Variants in GPR155 observed in about 807,000 individuals in gnomAD.
GPR155 encodes lysosomal cholesterol signaling protein.
In GPR155, 65 loss-of-function variants were observed where a neutral mutation model predicts 93.1. The ratio of observed to expected loss-of-function variants is 0.70; its 90% CI spans 0.57 to 0.86. The LOEUF is 0.86. GPR155 is among the 40% of genes least tolerant of loss of function. The pLI, the probability that GPR155 is intolerant of heterozygous loss-of-function variation, is 0.00. For synonymous variants in GPR155, 319 were observed against 360.1 expected (o/e 0.89, Z 1.29); for missense variants, 838 against 1,034.8 (o/e 0.81, Z 2.61).
intron 11 of GPR155, among the ~76,000 whole-genome samples, chr2:174,451,146 C>G (rs1286268898): frequency 6.6e-6 from 1 of 151,830 alleles, no homozygotes; most frequent in Non-Finnish European, 1.5e-5. Context: ...CCCGTCTCTA[C>G]TAAAAATACA....
chr2:174,456,176 A>C (rs2105699964), intron 10 of GPR155, among the ~76,000 whole-genome samples: 1 of 152,250 alleles, frequency 6.6e-6, no homozygotes, highest in East Asian at 1.9e-4. Flanking sequence ...ACAGCAGGAA[A>C]TCTGGGATTG....
In GPR155 at chr2:174,470,551, C is replaced by T. The variant is rs1310648551; in HGVS notation, c.865G>A (p.Val289Met). 3 of 1,611,474 alleles carry T rather than the reference C, an allele frequency of 1.9e-6. No homozygotes were observed. The highest frequency in any genetic ancestry group is 2.2e-5 in the East Asian group (1 of 44,826). Residue 289 changes from valine (V) to methionine (M), a missense_variant, in exon 4 of 16, where the codon GTG becomes ATG. Coordinates refer to ENST00000392552, the MANE Select transcript of GPR155 (RefSeq NM_152529.7). ...ATTTCTCTGCACAGAAGTGGCAGCA[C>T]CAGACTGAAGAAAAAAGAAAAACAT... is the stretch of plus-strand genomic sequence containing the variant. ...LILLITAKLL[V>M]LPLLCREMVE...
intron 10 of GPR155, among the ~76,000 whole-genome samples, chr2:174,456,124 G>T (rs193095762): frequency 1.3e-5 from 2 of 152,086 alleles, no homozygotes; most frequent in African/African-American, 2.4e-5. Context: ...TTACAGGTGT[G>T]AGCCACCACG....
chr2:174,452,796 G>C (rs2105691910), intron 11 of GPR155, among the ~76,000 whole-genome samples: 1 of 151,924 alleles, frequency 6.6e-6, no homozygotes, highest in East Asian at 1.9e-4. Flanking sequence ...CAGTTGGGTG[G>C]GATTACCACC....
chr2:174,447,440 CAT>C (rs1687169667), intron 11 of GPR155, among the ~76,000 whole-genome samples: 1 of 143,810 alleles, frequency 7.0e-6, no homozygotes, highest in African/African-American at 2.5e-5. Context: ...ATACACATTA[CAT>C]ATATAATTAT....
At chr2:174,444,634 C>T (rs62175262) in intron 13 of GPR155, among the ~76,000 whole-genome samples, 4 of 151,388 alleles carry the variant, frequency 2.6e-5, no homozygotes, top group South Asian at 2.1e-4. Flanking sequence ...CTTGGATTAT[C>T]GGCATGGACT....
chr2:174,454,568 C>T (rs1378914927), intron 10 of GPR155, among the ~76,000 whole-genome samples: 3 of 151,194 alleles, frequency 2.0e-5, no homozygotes, highest in African/African-American at 7.3e-5. Context: ...GGTGGGAGGA[C>T]TGCTTGAGTC....
chr2:174,472,960 C>T lies in GPR155; in HGVS notation c.860+5G>A. On this transcript the variant is annotated splice_donor_5th_base_variant and intron_variant, in intron 3 of 15. Transcript: ENST00000392552. ...CAATTCTCAAGTTAAATAAGTGATG[C>T]TTACAGTTTAGCTGTGATGAGAAGA... 2 of 1,573,478 alleles carry T rather than the reference C, an allele frequency of 1.3e-6. No homozygotes were observed. Among genetic ancestry groups the T allele is most frequent in the Non-Finnish European group, 1.7e-6 (2 of 1,169,500 alleles).
At chr2:174,451,477 C>G (rs1236063310) in intron 11 of GPR155, among the ~76,000 whole-genome samples, 1 of 152,064 alleles carries the variant, frequency 6.6e-6, no homozygotes, top group African/African-American at 2.4e-5. Context: ...ATTGTCAACT[C>G]TAAAAATTCT....
Position 174,481,533 on chromosome 2 carries a change from T to C in GPR155, c.424A>G (p.Thr142Ala). The C allele has an allele frequency of 6.2e-7, 1 of 1,611,026 alleles. No homozygotes were observed. The highest frequency in any genetic ancestry group is 8.5e-7 in the Non-Finnish European group (1 of 1,179,146). The change falls in exon 2 of 16, where the codon ACA (threonine) becomes GCA (alanine). Residue 142 changes from threonine (T) to alanine (A), a missense_variant. By Grantham distance (58) the Thr-to-Ala change is moderately conservative. This residue lies in a region of GPR155 where 663 missense variants were observed against 790.1 expected (regional missense o/e 0.84). Transcript: ENST00000392552. ...SKAGLFPIFA[T>A]QSNDFALGYP... Reference sequence around the variant, plus strand: ...CCCAATGCAAAGTCATTACTTTGTGTAGCAAAAATAGGGAATAGTCCAGCT... The same window carrying C: ...CCCAATGCAAAGTCATTACTTTGTGCAGCAAAAATAGGGAATAGTCCAGCT...
At chr2:174,482,180 G>T (rs1182277535) in intron 1 of GPR155, among the ~76,000 whole-genome samples, 193 bp from the exon 2 acceptor site, 1 of 152,166 alleles carries the variant, frequency 6.6e-6, no homozygotes, top group Non-Finnish European at 1.5e-5. Flanking sequence ...AAAAAAGTGG[G>T]GGGTTGCTAA....
In GPR155 at chr2:174,453,779, T is replaced by C; in HGVS notation, c.1834A>G (p.Asn612Asp). The change falls in exon 11 of 16, where the codon AAC (asparagine) becomes GAC (aspartate). Residue 612 changes from asparagine to aspartate, a missense_variant. Asn to Asp is a conservative substitution (Grantham distance 23). Coordinates refer to ENST00000392552, the MANE Select transcript of GPR155 (RefSeq NM_152529.7). ...LHCPSIEPIA[N>D]TSTSEPVIPS... ...ATCACAGGCTCACTGGTGCTTGTGT[T>C]TGCTATTGGCTCTATTGATGGGCAG... 1.2e-6 allele frequency: 2 copies of C among 1,613,882 alleles called. No individual in the cohort carries two copies. The highest frequency in any genetic ancestry group is 1.7e-6 in the Non-Finnish European group (2 of 1,179,772).
intron 2 of GPR155, among the ~76,000 whole-genome samples, chr2:174,477,507 T>C (rs1200886855): frequency 6.6e-6 from 1 of 152,186 alleles, no homozygotes; most frequent in Non-Finnish European, 1.5e-5. Context: ...AAGTGTAGTC[T>C]AGAGGGAACA....
Position 174,442,163 on chromosome 2 carries a change from G to T in GPR155, c.2130C>A (p.Ile710=). The change falls in exon 14 of 16, where the codon ATC becomes ATA. Residue 710 remains isoleucine (I), a synonymous_variant. Coordinates refer to ENST00000392552, the MANE Select transcript of GPR155 (RefSeq NM_152529.7). ...NFGQGFISFG[I]FGLDKHLIIL... ...TGATTAAATGTTTATCTAATCCAAA[G>T]ATTCCAAAGGAAATAAATCCCTAGG... 7.2e-7 allele frequency: 1 copy of T among 1,388,890 alleles called. No homozygotes were observed. Among genetic ancestry groups the T allele is most frequent in the Non-Finnish European group, 1.0e-6 (1 of 976,814 alleles). 86.0% of individuals were successfully genotyped at this position (1,388,890 alleles called of 1,614,324 possible). A position where few individuals can be genotyped will look rare whatever the true frequency, so the allele number is the denominator to read the frequency against.
In GPR155 at chr2:174,473,384, A is replaced by G. The variant is rs745787591; in HGVS notation, c.461-20T>C. 1 of 1,472,566 alleles carries G rather than the reference A, an allele frequency of 6.8e-7. No individual in the cohort carries two copies. The highest frequency in any genetic ancestry group is 1.2e-5 in the South Asian group (1 of 80,224). The allele number at this position is 1,472,566 out of a possible 1,614,324, so 91.2% of individuals were successfully genotyped here. ...CTTCAACTGCAAAACAAGAATATTG[A>G]TTTTTAAATGATGACCACAGAAATA... On this transcript the variant is annotated intron_variant, in intron 2 of 15. Transcript: ENST00000392552.
chr2:174,442,330 C>T lies in GPR155; in HGVS notation c.2110-147G>A, dbSNP rs984810347. 3.1e-5 allele frequency: 18 copies of T among 577,004 alleles called. No individual in the cohort carries two copies. In the East Asian group the frequency reaches 3.5e-4, roughly 11 times the overall value. The allele number at this position is 577,004 out of a possible 1,614,324, so 35.7% of individuals were successfully genotyped here. On this transcript the variant is annotated intron_variant, in intron 13 of 15. Transcript: ENST00000392552. ...TTTTAAGTGGAACACACAAAGTAGG[C>T]CCTTCAAAGGCAGGTATGATGCTTT...
intron 15 of GPR155, among the ~76,000 whole-genome samples, chr2:174,439,694 T>C (rs1368139241): frequency 4.6e-5 from 7 of 152,206 alleles, no homozygotes; most frequent in Admixed American, 3.9e-4. Context: ...ATTTTTAAAA[T>C]ATTAAAATCA....
intron 7 of GPR155, among the ~76,000 whole-genome samples, 168 bp from the exon 8 acceptor site, chr2:174,461,840 C>A (rs1174472468): frequency 6.6e-6 from 1 of 152,112 alleles, no homozygotes; most frequent in Non-Finnish European, 1.5e-5. Flanking sequence ...TATTTTGAAA[C>A]AAGTTTTAAT....
chr2:174,468,799 C>A, intron 5 of GPR155, 113 bp downstream of exon 5: 1 of 911,082 alleles, frequency 1.1e-6, no homozygotes, highest in Non-Finnish European at 1.7e-6. Flanking sequence ...TATGGGCAGG[C>A]TTTAGCTTTC....
Sources: gnomAD v4.1 joint callset for allele counts (sites outside exome capture counted in the v4.1 genomes callset) on GRCh38, gnomAD v4.1.1 for gene constraint, gnomAD v4.1.1 regional missense constraint, MANE v1.5 for transcripts, NCBI Gene and HGNC (gene_info 2026-07-23, HGNC 2026-07-21) for gene names.